The following GABBR2 variants were observed in gnomAD, a reference collection of about 807,000 sequenced individuals.
GABBR2 encodes G-protein coupled receptor 51.
GABBR2 carries 23 observed loss-of-function variants against 105.6 expected under a neutral mutation model. The ratio of observed to expected loss-of-function variants is 0.22; its 90% confidence interval spans 0.16 to 0.31. GABBR2 has a LOEUF of 0.31. Ranked by LOEUF, GABBR2 falls within the 10% of genes least tolerant of loss-of-function variation. GABBR2 has a pLI of 1.00. For synonymous variants in GABBR2, 478 were observed against 499.7 expected (o/e 0.96, Z 0.58); for missense variants, 734 against 1,245.5 (o/e 0.59, Z 6.18).
chr9:98,303,491 C>CAGGATCTGCTGGG, intron 15 of GABBR2, 68 bp from the exon 16 acceptor site: 1 of 1,356,066 alleles, frequency 7.4e-7, no homozygotes, highest in Non-Finnish European at 1.0e-6. Context: ...TCCCACATGG[C>CAGGATCTGCTGGG]AGACTCTCCC....
chr9:98,507,468 C>T (rs1827536254), intron 3 of GABBR2, among the ~76,000 whole-genome samples: 1 of 152,138 alleles, frequency 6.6e-6, no homozygotes, highest in African/African-American at 2.4e-5. Flanking sequence ...GAAACATTCT[C>T]CCCTAAAGCC....
chr9:98,296,281 T>A (rs369251716), intron 17 of GABBR2, among the ~76,000 whole-genome samples: 6 of 152,294 alleles, frequency 3.9e-5, no homozygotes, highest in East Asian at 3.9e-4. Flanking sequence ...CCAGGTGCCA[T>A]CTCAGAAGTG....
intron 13 of GABBR2, among the ~76,000 whole-genome samples, chr9:98,360,918 T>C (rs1290070541): frequency 6.6e-6 from 1 of 152,164 alleles, no homozygotes; most frequent in Non-Finnish European, 1.5e-5. Flanking sequence ...TAGCCCACTG[T>C]TGGGCTCCAC....
At position 98,611,317 on chromosome 9, in the gene GABBR2, T is replaced by C. The variant is rs566122302; in HGVS notation, c.322-33245A>G. Among the ~76,000 whole-genome samples the C allele has an allele frequency of 2.8e-3, 421 of 148,158 alleles. 4 individuals are homozygous for C. The highest frequency in any genetic ancestry group is 3.6e-3 in the Non-Finnish European group (243 of 66,644). ...CTTAGGCTTCACTCACAGTCCCTTGTAGCTGCATGTCTCCTTCAGCATGGA... is the reference window on the plus strand; with the variant it reads ...CTTAGGCTTCACTCACAGTCCCTTGCAGCTGCATGTCTCCTTCAGCATGGA... On this transcript the variant is annotated intron_variant, in intron 1 of 18. Coordinates refer to ENST00000259455, the MANE Select transcript of GABBR2 (RefSeq NM_005458.8).
chr9:98,520,038 G>GCAT (rs1827835416), intron 3 of GABBR2, among the ~76,000 whole-genome samples: 1 of 152,122 alleles, frequency 6.6e-6, no homozygotes, highest in African/African-American at 2.4e-5. Flanking sequence ...CCCACTGCTG[G>GCAT]GCTACCTTGG....
At chr9:98,403,293 CAAAAAAAAAA>C (rs546167489) in intron 8 of GABBR2, among the ~76,000 whole-genome samples, 1 of 86,122 alleles carries the variant, frequency 1.2e-5, no homozygotes, top group East Asian at 3.4e-4. Flanking sequence ...GACTCCGTCT[CAAAAAAAAAA>C]AAAAAAAAAA....
At chr9:98,587,150 G>C (rs191310514) in intron 1 of GABBR2, among the ~76,000 whole-genome samples, 1 of 152,292 alleles carries the variant, frequency 6.6e-6, no homozygotes, top group African/African-American at 2.4e-5. Flanking sequence ...GATTACTAAA[G>C]AGGTTAAGCC....
At chr9:98,572,747 T>C (rs1828850388) in intron 2 of GABBR2, among the ~76,000 whole-genome samples, 1 of 152,066 alleles carries the variant, frequency 6.6e-6, no homozygotes, top group African/African-American at 2.4e-5. Context: ...TCTTATATCT[T>C]CCTTGCCTGG....
intron 1 of GABBR2, among the ~76,000 whole-genome samples, chr9:98,659,082 G>C (rs770322126): frequency 6.6e-6 from 1 of 152,196 alleles, no homozygotes; most frequent in Non-Finnish European, 1.5e-5. Flanking sequence ...TACGTCTTGA[G>C]GCACTGGGTT....
At chr9:98,508,676 A>G (rs996913921) in intron 3 of GABBR2, among the ~76,000 whole-genome samples, 63 of 152,260 alleles carry the variant, frequency 4.1e-4, no homozygotes, top group Non-Finnish European at 8.4e-4. Flanking sequence ...CTAGCACAGC[A>G]GTCCGAGATC....
chr9:98,696,163 G>C (rs1007137014), intron 1 of GABBR2, among the ~76,000 whole-genome samples: 1 of 152,202 alleles, frequency 6.6e-6, no homozygotes, highest in Admixed American at 6.5e-5. Flanking sequence ...TTGCCTAATC[G>C]GGGAGGACAG....
intron 5 of GABBR2, among the ~76,000 whole-genome samples, chr9:98,475,346 T>TAAAA (rs970234599): frequency 1.4e-5 from 2 of 141,768 alleles, no homozygotes; most frequent in African/African-American, 5.1e-5. Context: ...ACAGAAACTT[T>TAAAA]AAAAAAAAAA....
At chr9:98,480,017 T>C (rs893277824) in intron 5 of GABBR2, among the ~76,000 whole-genome samples, 4 of 152,206 alleles carry the variant, frequency 2.6e-5, no homozygotes, top group Non-Finnish European at 2.9e-5. Context: ...AACTCTGTCA[T>C]CCAATGTATT....
chr9:98,307,595 G>A (rs1830571524), intron 14 of GABBR2, among the ~76,000 whole-genome samples: 2 of 152,208 alleles, frequency 1.3e-5, no homozygotes, highest in African/African-American at 4.8e-5. Flanking sequence ...TAGAAGCAGG[G>A]CTGGACACAA....
At chr9:98,415,093 A>C (rs1490290667) in intron 7 of GABBR2, among the ~76,000 whole-genome samples, 13 of 152,214 alleles carry the variant, frequency 8.5e-5, no homozygotes, top group Admixed American at 3.3e-4. Flanking sequence ...AAAACAAAAC[A>C]AAGGATAAAA....
chr9:98,356,421 A>T (rs1253271972), intron 13 of GABBR2, among the ~76,000 whole-genome samples: 2 of 152,216 alleles, frequency 1.3e-5, no homozygotes, highest in African/African-American at 4.8e-5. Flanking sequence ...GATGCTCAAC[A>T]TCATATGTCA....
intron 4 of GABBR2, among the ~76,000 whole-genome samples, chr9:98,482,408 T>C (rs1158307081): frequency 1.3e-5 from 2 of 152,206 alleles, no homozygotes; most frequent in African/African-American, 4.8e-5. Context: ...AAGGCAAGCC[T>C]TTGTCATCAC....
At chr9:98,523,352 GACTTA>G (rs1199179291) in intron 3 of GABBR2, among the ~76,000 whole-genome samples, 5 of 152,176 alleles carry the variant, frequency 3.3e-5, no homozygotes, top group African/African-American at 9.7e-5. Context: ...CTCTACTGAA[GACTTA>G]ACTTGTGTTT....
intron 2 of GABBR2, among the ~76,000 whole-genome samples, chr9:98,543,015 T>A (rs891146159): frequency 9.2e-5 from 14 of 152,208 alleles, no homozygotes; most frequent in African/African-American, 3.1e-4. Flanking sequence ...AATATCTCAG[T>A]TTGCCTTTAC....
Sources: gnomAD v4.1 joint callset for allele counts (sites outside exome capture counted in the v4.1 genomes callset) on GRCh38, gnomAD v4.1.1 for gene constraint, MANE v1.5 for transcripts, NCBI Gene and HGNC (gene_info 2026-07-23, HGNC 2026-07-21) for gene names.